YOD1: variants seen among roughly 807,000 people sequenced by gnomAD.
YOD1 encodes YOD1 deubiquitinase, also known as ubiquitin thioesterase OTU1.
A neutral mutation model predicts 23.7 loss-of-function variants in YOD1; 17 were observed. The ratio of observed to expected loss-of-function variants is 0.72; its 90% CI spans 0.49 to 1.07. YOD1 has a LOEUF of 1.07. Ranked by LOEUF, YOD1 falls within the 50% of genes least tolerant of loss-of-function variation. The pLI is 0.00. For missense variants in YOD1, 413 were observed against 447.2 expected (o/e 0.92, Z 0.69); for synonymous variants, 191 against 169.6 (o/e 1.13, Z -0.98).
Position 207,050,676 on chromosome 1 carries a change from C to T in YOD1, c.343+12G>A, listed in dbSNP as rs1261369290. 1 of 1,612,844 alleles carries T rather than the reference C, an allele frequency of 6.2e-7. No homozygotes were observed. Among genetic ancestry groups the T allele is most frequent in the South Asian group, 1.1e-5 (1 of 91,076 alleles). On this transcript the variant is annotated intron_variant, in intron 1 of 1. Transcript: ENST00000315927. Reference sequence around the variant, plus strand: ...CCCGGGACTTTCCCTGGCCCCAGCCCTGATTCCTTACCAGATTGGATGGGC... The same window carrying T: ...CCCGGGACTTTCCCTGGCCCCAGCCTTGATTCCTTACCAGATTGGATGGGC...
In YOD1 at chr1:207,050,932, G is replaced by A. The variant is rs1682730563; in HGVS notation, c.99C>T (p.Pro33=). The change falls in exon 1 of 2, where the codon CCC becomes CCT. Residue 33 remains proline, a synonymous_variant. Coordinates refer to ENST00000315927, the MANE Select transcript of YOD1 (RefSeq NM_018566.4). ...SQQAAGTKAG[P]AGAWPVGSRT... ...GGCTGCCCACAGGCCAGGCACCCGC[G>A]GGGCCAGCTTTGGTCCCGGCAGCCT... The A allele has an allele frequency of 1.9e-6, 3 of 1,587,532 alleles. No individual in the cohort carries two copies. Among genetic ancestry groups the A allele is most frequent in the African/African-American group, 1.3e-5 (1 of 74,234 alleles).
chr1:207,047,360 CTCTTA>C lies in YOD1; in HGVS notation c.*1655_*1659del, dbSNP rs928690902. On this transcript the variant is annotated 3_prime_UTR_variant, in exon 2 of 2. Coordinates refer to ENST00000315927, the MANE Select transcript of YOD1 (RefSeq NM_018566.4). ...TGAATTGTTCCTTAAAAGTTCTTTT[CTCTTA>C]TATTGTTCAAATGTTCCTTAATTTT... is the stretch of plus-strand genomic sequence containing the variant. The C allele has an allele frequency of 1.3e-5, 2 of 152,496 alleles. No individual in the cohort carries two copies. Among genetic ancestry groups the C allele is most frequent in the African/African-American group, 4.8e-5 (2 of 41,446 alleles). 9.4% of individuals were successfully genotyped at this position (152,496 alleles called of 1,614,324 possible). A position where few individuals can be genotyped will look rare whatever the true frequency, so the allele number is the denominator to read the frequency against.
At chr1:207,049,861 G>A (rs1682693356) in intron 1 of YOD1, 138 bp from the exon 2 acceptor site, 1 of 740,984 alleles carries the variant, frequency 1.3e-6, no homozygotes, top group South Asian at 2.1e-5. Context: ...AGTTTTGCAA[G>A]TAAGTTACCA....
chr1:207,046,569 A>G lies in YOD1; in HGVS notation c.*2451T>C, dbSNP rs759013278. Reference sequence around the variant, plus strand: ...TACTAGTGCTAAATTTCAGCAGACTAAAGAGTCATTTTTGAAAGGAATTTG... The same window carrying G: ...TACTAGTGCTAAATTTCAGCAGACTGAAGAGTCATTTTTGAAAGGAATTTG... On this transcript the variant is annotated 3_prime_UTR_variant, in exon 2 of 2. Transcript: ENST00000315927. The G allele has an allele frequency of 6.6e-6, 1 of 152,102 alleles. No homozygotes were observed. The highest frequency in any genetic ancestry group is 1.5e-5 in the Non-Finnish European group (1 of 67,946). 9.4% of individuals were successfully genotyped at this position (152,102 alleles called of 1,614,324 possible).
chr1:207,045,258 T>A lies in YOD1; in HGVS notation c.*3762A>T, dbSNP rs574660548. On this transcript the variant is annotated 3_prime_UTR_variant, in exon 2 of 2. Transcript: ENST00000315927. ...ACAAGGACAAATTTGAATACTGCAT[T>A]GTATAATAATACAAGATATTCACAT... is the stretch of plus-strand genomic sequence containing the variant. The A allele has an allele frequency of 2.3e-4, 35 of 152,568 alleles. No individual in the cohort carries two copies. The highest frequency in any genetic ancestry group is 3.4e-3 in the Middle Eastern group (1 of 294). The allele number at this position is 152,568 out of a possible 1,614,324, so 9.5% of individuals were successfully genotyped here.
upstream of YOD1, chr1:207,053,105 T>C (rs1470914437): frequency 1.3e-5 from 2 of 152,274 alleles, no homozygotes; most frequent in East Asian, 1.9e-4. Context: ...GTGATCTCTC[T>C]GGTTCCGACT....
intron 1 of YOD1, among the ~76,000 whole-genome samples, chr1:207,050,342 T>C (rs530312345): frequency 1.4e-4 from 21 of 151,928 alleles, no homozygotes; most frequent in Non-Finnish European, 1.5e-4. Flanking sequence ...ATCGGTGATA[T>C]AGGGAAAAAG....
At chr1:207,049,904 G>C (rs1387524688) in intron 1 of YOD1, among the ~76,000 whole-genome samples, 181 bp from the exon 2 acceptor site, 1 of 152,124 alleles carries the variant, frequency 6.6e-6, no homozygotes, top group Non-Finnish European at 1.5e-5. Flanking sequence ...TTTTCATAAA[G>C]ATGAAAAAAG....
chr1:207,049,571 A>G lies in YOD1; in HGVS notation c.496T>C (p.Tyr166His), dbSNP rs760728190. ...AAGACTCCTCCTTCGACGACATAGTACACACTAGTAAAGAGGCAAGAGTTG... is the reference window on the plus strand; with the variant it reads ...AAGACTCCTCCTTCGACGACATAGTGCACACTAGTAAAGAGGCAAGAGTTG... Reference protein sequence around the residue: ...ADNSCLFTSVYYVVEGGVLNP... With the variant: ...ADNSCLFTSVHYVVEGGVLNP... The change falls in exon 2 of 2, where the codon TAC becomes CAC. Residue 166 changes from tyrosine to histidine, a missense_variant. By Grantham distance (83) the Tyr-to-His change is moderately conservative. Transcript: ENST00000315927. The G allele has an allele frequency of 7.4e-6, 12 of 1,614,228 alleles. No individual in the cohort carries two copies. Among genetic ancestry groups the G allele is most frequent in the Middle Eastern group, 1.6e-4 (1 of 6,062 alleles).
chr1:207,051,940 TA>T (rs1372628452), upstream of YOD1, among the ~76,000 whole-genome samples: 1 of 152,216 alleles, frequency 6.6e-6, no homozygotes, highest in Non-Finnish European at 1.5e-5. Context: ...CTGGGAGTTG[TA>T]AAAAGCCTTA....
At chr1:207,050,569 CT>C (rs1408108618) in intron 1 of YOD1, 118 bp downstream of exon 1, 2 of 1,356,794 alleles carry the variant, frequency 1.5e-6, no homozygotes, top group Non-Finnish European at 2.0e-6. Context: ...ATCCTCGCCC[CT>C]GGCCTCAAAG....
intron 1 of YOD1, 86 bp from the exon 2 acceptor site, chr1:207,049,809 T>C: frequency 7.8e-7 from 1 of 1,287,710 alleles, no homozygotes; most frequent in Non-Finnish European, 1.1e-6. Context: ...AATTACAAAC[T>C]GAAGGAGTTA....
chr1:207,048,889 A>G lies in YOD1; in HGVS notation c.*131T>C, dbSNP rs1436899693. The G allele has an allele frequency of 1.2e-6, 1 of 810,404 alleles. No individual in the cohort carries two copies. The highest frequency in any genetic ancestry group is 2.0e-6 in the Non-Finnish European group (1 of 509,224). 50.2% of individuals were successfully genotyped at this position (810,404 alleles called of 1,614,324 possible). On this transcript the variant is annotated 3_prime_UTR_variant, in exon 2 of 2. Transcript: ENST00000315927. ...TCTTAACAAGGAATTTCAGTGTCTTAGTGGTTTTAAGTTAAAAGGATGGTT... is the reference window on the plus strand; with the variant it reads ...TCTTAACAAGGAATTTCAGTGTCTTGGTGGTTTTAAGTTAAAAGGATGGTT...
Position 207,049,218 on chromosome 1 carries a change from C to G in YOD1, c.849G>C (p.Leu283=). The change falls in exon 2 of 2, where the codon CTG becomes CTC. Residue 283 remains leucine, a synonymous_variant. Transcript: ENST00000315927. ...RNFPDPDTPP[L]TIFSSNDDIV... ...TATCATCATTAGAGGAGAAAATGGT[C>G]AGAGGAGGTGTATCTGGATCAGGGA... 1 of 1,614,036 alleles carries G rather than the reference C, an allele frequency of 6.2e-7. No homozygotes were observed. The highest frequency in any genetic ancestry group is 1.1e-5 in the South Asian group (1 of 91,050).
At position 207,050,654 on chromosome 1, in the gene YOD1, G is replaced by A. The variant is rs373472473; in HGVS notation, c.343+34C>T. The A allele has an allele frequency of 5.0e-6, 8 of 1,608,890 alleles. No individual in the cohort carries two copies. The African/African-American group carries it at 9.4e-5, about 19-fold the overall frequency. On this transcript the variant is annotated intron_variant, in intron 1 of 1. Transcript: ENST00000315927. ...CTCTCACGCCCCTCTCCATCCTCCC[G>A]GGACTTTCCCTGGCCCCAGCCCTGA...
In YOD1 at chr1:207,049,708, A is replaced by G. The variant is rs769652373; in HGVS notation, c.359T>C (p.Ile120Thr). Residue 120 changes from isoleucine to threonine, a missense_variant, in exon 2 of 2, where the codon ATT becomes ACT. Ile to Thr is a moderately conservative substitution (Grantham distance 89). Coordinates refer to ENST00000315927, the MANE Select transcript of YOD1 (RefSeq NM_018566.4). Reference protein sequence around the residue: ...LPIQSGDMLIIEEDQTRPRSS... With the variant: ...LPIQSGDMLITEEDQTRPRSS... The stretch of plus-strand genomic sequence containing the variant: ...TCTGGGCCTGGTTTGGTCTTCTTCA[A>G]TGATCAGCATGTCACCTGTTAAAAA... 6.2e-7 allele frequency: 1 copy of G among 1,613,232 alleles called. No homozygotes were observed. Among genetic ancestry groups the G allele is most frequent in the South Asian group, 1.1e-5 (1 of 90,960 alleles).
chr1:207,049,113 C>T lies in YOD1; in HGVS notation c.954G>A (p.Leu318=). 1 of 1,614,032 alleles carries T rather than the reference C, an allele frequency of 6.2e-7. No homozygotes were observed. The highest frequency in any genetic ancestry group is 8.5e-7 in the Non-Finnish European group (1 of 1,180,012). The change falls in exon 2 of 2, where the codon CTG becomes CTA. Residue 318 remains leucine (L), a synonymous_variant. Transcript: ENST00000315927. ...ATCCTTTCTGACATACCATGCATCT[C>T]AGGGTGAAGCGGTTGACATCAGTAA... The part of the protein sequence containing the change: ...RQFTDVNRFT[L]RCMVCQKGLT...
At chr1:207,050,430 A>G (rs1682710102) in intron 1 of YOD1, among the ~76,000 whole-genome samples, 1 of 152,216 alleles carries the variant, frequency 6.6e-6, no homozygotes, top group East Asian at 1.9e-4. Context: ...GATAGTTTCA[A>G]AGCCGACCAG....
chr1:207,045,597 C>CA lies in YOD1; in HGVS notation c.*3422dup, dbSNP rs60778314. 0.034 allele frequency: 4,564 copies of CA among 134,100 alleles called. 49 individuals carry two copies. Among genetic ancestry groups the CA allele is most frequent in the Non-Finnish European group, 0.042 (2,552 of 61,174 alleles). 8.3% of individuals were successfully genotyped at this position (134,100 alleles called of 1,614,324 possible). On this transcript the variant is annotated 3_prime_UTR_variant, in exon 2 of 2. Transcript: ENST00000315927. ...TGTTTAGGAAGGCCACCTGATTTGT[C>CA]AAAAAAAAAAAAAAATCACTCTTGC... is the stretch of plus-strand genomic sequence containing the variant.
Sources: gnomAD v4.1 joint callset for allele counts (sites outside exome capture counted in the v4.1 genomes callset) on GRCh38, gnomAD v4.1.1 for gene constraint, MANE v1.5 for transcripts, NCBI Gene and HGNC (gene_info 2026-07-23, HGNC 2026-07-21) for gene names.